MYO9B: variants seen among roughly 807,000 people sequenced by gnomAD.
The protein encoded by MYO9B is unconventional myosin-IXb.
Under a neutral mutation model 229.5 loss-of-function variants are expected in MYO9B, and 71 were observed. The ratio of observed to expected loss-of-function variants is 0.31; its 90% CI spans 0.26 to 0.38. The LOEUF is 0.38. MYO9B is among the 10% of genes least tolerant of loss of function. The pLI is 1.00. For synonymous variants in MYO9B, 1,185 were observed against 1,235.8 expected (o/e 0.96, Z 0.86); for missense variants, 2,255 against 2,920.5 (o/e 0.77, Z 5.25).
Position 17,119,594 on chromosome 19 carries a change from G to A in MYO9B, c.840+17037G>A, listed in dbSNP as rs756399416. On this transcript the variant is annotated intron_variant, in intron 2 of 39. Transcript: ENST00000682292. ...CATACCTGTAATCCCAGCACTTCAGGAGGCCGAGGCAGGAGGATCATTTGA... is the reference window on the plus strand; with the variant it reads ...CATACCTGTAATCCCAGCACTTCAGAAGGCCGAGGCAGGAGGATCATTTGA... Among the ~76,000 whole-genome samples the A allele has an allele frequency of 4.9e-4, 74 of 152,300 alleles. No homozygotes were observed. In the Middle Eastern group the frequency reaches 0.014, roughly 28 times the overall value.
At chr19:17,201,875 C>T (rs550879978) in intron 26 of MYO9B, 51 bp from the exon 27 acceptor site, 105 of 1,412,814 alleles carry the variant, frequency 7.4e-5, no homozygotes, top group South Asian at 2.3e-4. Flanking sequence ...TCCTCGGGTA[C>T]GCAGGTCCCC....
At chr19:17,208,478 C>T (rs1476243011) in intron 35 of MYO9B, among the ~76,000 whole-genome samples, 1 of 150,578 alleles carries the variant, frequency 6.6e-6, no homozygotes, top group Non-Finnish European at 1.5e-5. Flanking sequence ...GTCTCCCAGG[C>T]TGGAGTGCAG....
In MYO9B at chr19:17,198,296, A is replaced by T; in HGVS notation, c.4226A>T (p.Gln1409Leu). 6.2e-7 allele frequency: 1 copy of T among 1,613,826 alleles called. No homozygotes were observed. Among genetic ancestry groups the T allele is most frequent in the Admixed American group, 1.7e-5 (1 of 60,002 alleles). The part of the protein sequence containing the change: ...LPDAGLSPGS[Q>L]VDSKSTFKRL... ...GACGCAGGGCTGTCCCCGGGCTCTC[A>T]GGTCGACTCTAAGTAAGTATTGGGC... The change falls in exon 24 of 40, where the codon CAG becomes CTG. Residue 1409 changes from glutamine to leucine, a missense_variant. Physicochemically the swap from Gln to Leu is moderately radical, Grantham distance 113. Coordinates refer to ENST00000682292, the MANE Select transcript of MYO9B (RefSeq NM_004145.4).
intron 1 of MYO9B, among the ~76,000 whole-genome samples, chr19:17,093,249 C>T (rs1030132975): frequency 2.0e-5 from 3 of 151,948 alleles, no homozygotes; most frequent in Non-Finnish European, 1.5e-5. Context: ...AGGAAAATGG[C>T]TTGAACCTGG....
At chr19:17,168,357 G>A (rs2072683792) in intron 11 of MYO9B, among the ~76,000 whole-genome samples, 1 of 152,042 alleles carries the variant, frequency 6.6e-6, no homozygotes, top group African/African-American at 2.4e-5. Flanking sequence ...GTAGCAACAG[G>A]GTTTCGTCAT....
chr19:17,096,855 G>A (rs1022673200), intron 1 of MYO9B, among the ~76,000 whole-genome samples: 17 of 151,182 alleles, frequency 1.1e-4, no homozygotes, highest in Admixed American at 4.6e-4. Context: ...ACAGGCGCCC[G>A]CCACTGCGCC....
intron 11 of MYO9B, 131 bp downstream of exon 11, chr19:17,168,195 C>A: frequency 8.0e-7 from 1 of 1,256,254 alleles, no homozygotes; most frequent in Non-Finnish European, 1.1e-6. Flanking sequence ...GACAGGGTCT[C>A]ACTCTGTCAC....
At chr19:17,157,190 T>C (rs542831762) in intron 7 of MYO9B, 152 bp downstream of exon 7, 1 of 963,116 alleles carries the variant, frequency 1.0e-6, no homozygotes, top group African/African-American at 1.7e-5. Flanking sequence ...ACAGTGTTCC[T>C]TCCTCATTTC....
At position 17,206,117 on chromosome 19, in the gene MYO9B, A is replaced by G. The variant is rs769253603; in HGVS notation, c.5222A>G (p.Asn1741Ser). The change falls in exon 32 of 40, where the codon AAC becomes AGC. Residue 1741 changes from asparagine (N) to serine (S), a missense_variant. Physicochemically the swap from Asn to Ser is conservative, Grantham distance 46. Coordinates refer to ENST00000682292, the MANE Select transcript of MYO9B (RefSeq NM_004145.4). ...CTCTACCGCAAGTCGGGTGCTGCCA[A>G]CCGCACTCGGGAGCTCCGGCAGGCG... ...EGLYRKSGAA[N>S]RTRELRQALQ... 1.9e-6 allele frequency: 3 copies of G among 1,607,012 alleles called. No homozygotes were observed. Among genetic ancestry groups the G allele is most frequent in the South Asian group, 1.1e-5 (1 of 90,798 alleles).
At chr19:17,180,842 A>G (rs922597522) in intron 14 of MYO9B, 85 bp from the exon 15 acceptor site, 36 of 872,908 alleles carry the variant, frequency 4.1e-5, no homozygotes, top group South Asian at 1.1e-4. Flanking sequence ...GATGGTCCCA[A>G]TGGCGCTGGG....
chr19:17,205,852 G>C lies in MYO9B; in HGVS notation c.5065-108G>C, dbSNP rs1221597800. Reference sequence around the variant, plus strand: ...GGAGACAGGGAGGGACAGAACAGCAGAGGAAGCCCTGAGGGCCTTGTGCGG... The same window carrying C: ...GGAGACAGGGAGGGACAGAACAGCACAGGAAGCCCTGAGGGCCTTGTGCGG... On this transcript the variant is annotated intron_variant, in intron 31 of 39. Coordinates refer to ENST00000682292, the MANE Select transcript of MYO9B (RefSeq NM_004145.4). 5 of 1,103,898 alleles carry C rather than the reference G, an allele frequency of 4.5e-6. No homozygotes were observed. In the East Asian group the frequency reaches 1.3e-4, roughly 29 times the overall value. 68.4% of individuals were successfully genotyped at this position (1,103,898 alleles called of 1,614,324 possible).
rs542370138 is a variant in MYO9B, at chr19:17,192,527, G to A, written c.2812-219G>A. ...GGAGAATCACTTCAACCCAGTAGGC[G>A]GAGGTTGCAGTGAGCCGAGATCATG... On this transcript the variant is annotated intron_variant, in intron 20 of 39. Coordinates refer to ENST00000682292, the MANE Select transcript of MYO9B (RefSeq NM_004145.4). Among the ~76,000 whole-genome samples, 10 of 152,138 alleles carry A rather than the reference G, an allele frequency of 6.6e-5. No individual in the cohort carries two copies. In the East Asian group the frequency reaches 1.2e-3, roughly 18 times the overall value.
intron 14 of MYO9B, among the ~76,000 whole-genome samples, chr19:17,176,832 G>A (rs974852644): frequency 1.3e-5 from 2 of 152,076 alleles, no homozygotes; most frequent in Non-Finnish European, 2.9e-5. Flanking sequence ...GAGATGACAC[G>A]GGGTCTTTTG....
Position 17,205,354 on chromosome 19 carries a change from G to T in MYO9B, c.5064+18G>T. ...GGAGGAAGGTGAGTGTACGAGGCCT[G>T]GAACTTTCTACAATGACACTCCACT... On this transcript the variant is annotated intron_variant, in intron 31 of 39. Coordinates refer to ENST00000682292, the MANE Select transcript of MYO9B (RefSeq NM_004145.4). 1 of 1,610,686 alleles carries T rather than the reference G, an allele frequency of 6.2e-7. No individual in the cohort carries two copies. Among genetic ancestry groups the T allele is most frequent in the African/African-American group, 1.3e-5 (1 of 74,970 alleles).
chr19:17,086,505 G>A (rs1425912157), intron 1 of MYO9B, among the ~76,000 whole-genome samples: 1 of 152,206 alleles, frequency 6.6e-6, no homozygotes, highest in African/African-American at 2.4e-5. Flanking sequence ...GGGCCGTGCT[G>A]TGCACTGTGG....
At chr19:17,163,175 C>T (rs977769354) in intron 10 of MYO9B, 53 bp downstream of exon 10, 57 of 1,515,464 alleles carry the variant, frequency 3.8e-5, no homozygotes, top group Non-Finnish European at 4.4e-5. Context: ...TCAGACATCA[C>T]GTGAAATTTA....
intron 10 of MYO9B, among the ~76,000 whole-genome samples, chr19:17,165,456 T>C (rs531994453): frequency 6.6e-6 from 1 of 151,992 alleles, no homozygotes; most frequent in African/African-American, 2.4e-5. Flanking sequence ...ATGCTAACAA[T>C]ACCAGTGGTT....
chr19:17,172,658 C>A lies in MYO9B; in HGVS notation c.1936-101C>A. The A allele has an allele frequency of 1.3e-6, 2 of 1,491,320 alleles. No homozygotes were observed. The highest frequency in any genetic ancestry group is 1.9e-6 in the Non-Finnish European group (2 of 1,080,894). The allele number at this position is 1,491,320 out of a possible 1,614,324, so 92.4% of individuals were successfully genotyped here. ...AACTGCCATTTGCACTTAGGATGGG[C>A]CCCACCCCACCGTCAGCCCTTCCTG... On this transcript the variant is annotated intron_variant, in intron 12 of 39. Transcript: ENST00000682292. This position sits in a 1 kb window ranked among gnomAD's most constrained non-coding sequence, Gnocchi z 8.2.
At chr19:17,158,432 TA>T (rs2072560614) in intron 7 of MYO9B, among the ~76,000 whole-genome samples, 9 of 151,872 alleles carry the variant, frequency 5.9e-5, no homozygotes, top group Admixed American at 5.9e-4. Flanking sequence ...CCATCTCTAC[TA>T]AAAATACAAA....
Sources: allele counts gnomAD v4.1 joint callset (sites outside exome capture counted in the v4.1 genomes callset), GRCh38; gene constraint gnomAD v4.1.1; non-coding constraint Gnocchi (gnomAD v3.1); transcripts MANE v1.5; gene names NCBI Gene and HGNC (gene_info 2026-07-23, HGNC 2026-07-21).